The following EED variants were observed in gnomAD, a reference collection of about 807,000 sequenced individuals.
The protein encoded by EED is embryonic ectoderm development, also known as polycomb protein EED.
A neutral mutation model predicts 61.0 loss-of-function variants in EED; 9 were observed. That is an observed-to-expected ratio of 0.15 (90% confidence interval 0.09 to 0.26). EED has a LOEUF of 0.26. EED is among the 10% of genes least tolerant of loss of function. The pLI is 1.00. For missense variants in EED, 315 were observed against 542.3 expected (o/e 0.58, Z 4.16); for synonymous variants, 187 against 174.4 (o/e 1.07, Z -0.57).
chr11:86,250,455 G>A lies in EED; in HGVS notation c.267+7G>A. On this transcript the variant is annotated splice_region_variant and intron_variant, in intron 2 of 11. Coordinates refer to ENST00000263360, the MANE Select transcript of EED (RefSeq NM_003797.5). ...ATGTGTAAATAGTCTCAAGGTATGT[G>A]CAAAAAAAGATCCTTTGGGCTGAAT... The A allele has an allele frequency of 1.3e-6, 2 of 1,560,470 alleles. No homozygotes were observed. Among genetic ancestry groups the A allele is most frequent in the Non-Finnish European group, 1.7e-6 (2 of 1,156,360 alleles).
intron 6 of EED, among the ~76,000 whole-genome samples, chr11:86,259,115 G>T (rs1423922554): frequency 6.6e-6 from 1 of 151,516 alleles, no homozygotes; most frequent in African/African-American, 2.4e-5. Context: ...TGGTCCACCC[G>T]CATCGGCCTC....
chr11:86,286,375 C>T, the EED span, among the ~76,000 whole-genome samples: 1 of 151,030 alleles, frequency 6.6e-6, no homozygotes, highest in Non-Finnish European at 1.5e-5. Flanking sequence ...TGGGGTGTTT[C>T]GAAGGAAAAA....
At chr11:86,281,189 T>C (rs1328526384), downstream of EED, among the ~76,000 whole-genome samples, 1 of 152,238 alleles carries the variant, frequency 6.6e-6, no homozygotes, top group Non-Finnish European at 1.5e-5. Flanking sequence ...TTTGGAAGTA[T>C]TCCTTGCTCT....
intron 10 of EED, chr11:86,277,355 T>A: frequency 2.7e-6 from 1 of 365,382 alleles, no homozygotes; most frequent in Non-Finnish European, 4.9e-6. Flanking sequence ...TACTTTAAAT[T>A]AAGTTGGCAG....
intron 7 of EED, 186 bp from the exon 8 acceptor site, chr11:86,265,897 A>G (rs968584338): frequency 2.3e-6 from 1 of 427,876 alleles, no homozygotes; most frequent in South Asian, 5.6e-5. Flanking sequence ...GATGTTGACA[A>G]ACTAATTAAA....
intron 1 of EED, among the ~76,000 whole-genome samples, chr11:86,248,057 A>G (rs565715054): frequency 1.3e-5 from 2 of 152,326 alleles, no homozygotes; most frequent in South Asian, 4.2e-4. Context: ...AGATGCAGGG[A>G]ATCCCTGTGG....
intron 6 of EED, among the ~76,000 whole-genome samples, chr11:86,257,943 G>GTT (rs1945719578): frequency 6.6e-6 from 1 of 151,976 alleles, no homozygotes; most frequent in African/African-American, 2.4e-5. Context: ...AACACACATA[G>GTT]TTTACTTTGG....
intron 2 of EED, 32 bp from the exon 3 acceptor site, chr11:86,252,116 T>A: frequency 6.4e-7 from 1 of 1,573,258 alleles, no homozygotes; most frequent in Non-Finnish European, 8.7e-7. Flanking sequence ...TAAGATACAT[T>A]AATCTTTTCT....
chr11:86,259,336 G>A (rs1325466371), intron 6 of EED, among the ~76,000 whole-genome samples: 1 of 151,448 alleles, frequency 6.6e-6, no homozygotes, highest in Non-Finnish European at 1.5e-5. Flanking sequence ...TCTGATAAAG[G>A]ACTTTGATTT....
intron 4 of EED, 120 bp from the exon 5 acceptor site, chr11:86,256,267 T>G: frequency 1.1e-6 from 1 of 931,986 alleles, no homozygotes; most frequent in Non-Finnish European, 1.5e-6. Flanking sequence ...TTTGGTTGTA[T>G]AAGGAAAATT....
At chr11:86,250,164 G>A in intron 1 of EED, 132 bp from the exon 2 acceptor site, 1 of 760,898 alleles carries the variant, frequency 1.3e-6, no homozygotes, top group Non-Finnish European at 1.9e-6. Flanking sequence ...CTTATGTGGA[G>A]GCAAGAATAC....
downstream of EED, among the ~76,000 whole-genome samples, chr11:86,281,391 T>A (rs1340387005): frequency 1.3e-5 from 2 of 152,210 alleles, no homozygotes; most frequent in South Asian, 2.1e-4. Context: ...CAATTTTGTT[T>A]AGCTTTTTGT....
In EED at chr11:86,252,899, A is replaced by G. The variant is rs116473521; in HGVS notation, c.360+659A>G. ...GTCAGCCTTCTGAGTAGCTACAGGC[A>G]TGCACTACCATCCCTGGCTAATTTT... is the stretch of plus-strand genomic sequence containing the variant. On this transcript the variant is annotated intron_variant, in intron 3 of 11. Transcript: ENST00000263360. Among the ~76,000 whole-genome samples the G allele has an allele frequency of 6.7e-3, 1,016 of 152,212 alleles. 8 individuals carry two copies. The highest frequency in any genetic ancestry group is 0.023 in the African/African-American group (938 of 41,520).
chr11:86,264,297 G>T (rs2138191160), intron 7 of EED, 34 bp downstream of exon 7: 2 of 1,494,042 alleles, frequency 1.3e-6, no homozygotes, highest in Non-Finnish European at 1.9e-6. Context: ...TGACTTTCAG[G>T]TTTACATAGC....
intron 6 of EED, among the ~76,000 whole-genome samples, chr11:86,258,194 A>G (rs1405946142): frequency 1.3e-5 from 2 of 152,210 alleles, no homozygotes; most frequent in Non-Finnish European, 2.9e-5. Flanking sequence ...ACATTTTAGT[A>G]GGAAAATCCC....
chr11:86,254,040 C>T (rs150445889), intron 3 of EED, among the ~76,000 whole-genome samples: 4,120 of 75,824 alleles, frequency 0.054, 215 homozygotes, highest in African/African-American at 0.16. Flanking sequence ...AAGAGTGAAA[C>T]TCTGTCTCAA....
intron 9 of EED, among the ~76,000 whole-genome samples, chr11:86,271,367 T>G (rs1946107778): frequency 6.6e-6 from 1 of 152,256 alleles, no homozygotes. Flanking sequence ...TTTTGCATAT[T>G]GATCTTGAAT....
chr11:86,278,592 G>A lies in EED; in HGVS notation c.*67G>A. Reference sequence around the variant, plus strand: ...GTGTAAAATAGAATTAATGTATCTTGCTAGTAAGGGCACGTAGAGCATTTA... The same window carrying A: ...GTGTAAAATAGAATTAATGTATCTTACTAGTAAGGGCACGTAGAGCATTTA... On this transcript the variant is annotated 3_prime_UTR_variant, in exon 12 of 12. Coordinates refer to ENST00000263360, the MANE Select transcript of EED (RefSeq NM_003797.5). 1.9e-6 allele frequency: 3 copies of A among 1,572,958 alleles called. No individual in the cohort carries two copies. The highest frequency in any genetic ancestry group is 8.7e-7 in the Non-Finnish European group (1 of 1,156,028).
chr11:86,268,647 A>G, intron 9 of EED, 86 bp downstream of exon 9: 1 of 830,854 alleles, frequency 1.2e-6, no homozygotes, highest in Non-Finnish European at 1.8e-6. Context: ...GCATGTTGGA[A>G]CTTGGCAGGG....
Sources: allele counts gnomAD v4.1 joint callset (sites outside exome capture counted in the v4.1 genomes callset), GRCh38; gene constraint gnomAD v4.1.1; transcripts MANE v1.5; gene names NCBI Gene and HGNC (gene_info 2026-07-23, HGNC 2026-07-21).